NLRP10: variants seen among roughly 807,000 people sequenced by gnomAD.
NLRP10 encodes NLR family pyrin domain containing 10.
NLRP10 carries 7 observed loss-of-function variants against 8.2 expected under a neutral mutation model. The observed-to-expected ratio is 0.85, with a 90% CI of 0.48 to 1.60. The LOEUF (loss-of-function observed/expected upper bound fraction) is 1.60, where lower values mean the gene tolerates loss of function less well. Among genes scored for constraint, NLRP10 ranks in the 40% most tolerant of loss-of-function variants. The pLI is 0.00. For missense variants in NLRP10, 814 were observed against 776.3 expected, an observed-to-expected ratio of 1.05 and a Z score of -0.58; for synonymous variants, 338 against 314.0, an observed-to-expected ratio of 1.08 and a Z score of -0.81.
At chr11:7,964,053 C>G (rs1055409001) in intron 1 of NLRP10, among the ~76,000 whole-genome samples, 1 of 152,056 alleles carries the variant, frequency 6.6e-6, no homozygotes, top group Non-Finnish European at 1.5e-5. Flanking sequence ...TCCCAAGTAG[C>G]TGGAATTGCA....
chr11:7,963,837 C>G (rs911141834), intron 1 of NLRP10, among the ~76,000 whole-genome samples: 22 of 151,478 alleles, frequency 1.5e-4, no homozygotes, highest in African/African-American at 5.3e-4. Context: ...CCCCCACTCC[C>G]TTCCTCTTTC....
rs1941652595 is a variant in NLRP10, at chr11:7,958,220, C to T, written c.*1424G>A. 6.6e-6 allele frequency among the ~76,000 whole-genome samples: 1 copy of T among 152,140 alleles called. No homozygotes were observed. Among genetic ancestry groups the T allele is most frequent in the Admixed American group, 6.5e-5 (1 of 15,276 alleles). ...TATGTGGACATAAGTTTCCAACTCA[C>T]TTGGGTTAATATCTAGGAGCATAAT... On this transcript the variant is annotated 3_prime_UTR_variant, in exon 3 of 3. Coordinates refer to ENST00000691676, the MANE Select transcript of NLRP10 (RefSeq NM_001391958.1).
intron 2 of NLRP10, among the ~76,000 whole-genome samples, 191 bp from the exon 3 acceptor site, chr11:7,961,513 G>T (rs1341868968): frequency 1.3e-5 from 2 of 152,170 alleles, no homozygotes; most frequent in Non-Finnish European, 2.9e-5. Context: ...GGCGCAGTAT[G>T]CATATGCACA....
intron 1 of NLRP10, 67 bp from the exon 2 acceptor site, chr11:7,963,607 C>T (rs1564879613): frequency 1.2e-5 from 11 of 924,408 alleles, no homozygotes; most frequent in Non-Finnish European, 1.8e-5. Context: ...GGGGCTTGGC[C>T]AAGTTATAGA....
Position 7,957,633 on chromosome 11 carries a change from A to G in NLRP10, c.*2011T>C, listed in dbSNP as rs972708011. Reference sequence around the variant, plus strand: ...GTTCCTATATACCCTCTCCACCACCACCACCCCCTCACAAAGTTTCTCTTA... The same window carrying G: ...GTTCCTATATACCCTCTCCACCACCGCCACCCCCTCACAAAGTTTCTCTTA... On this transcript the variant is annotated 3_prime_UTR_variant, in exon 3 of 3. Coordinates refer to ENST00000691676, the MANE Select transcript of NLRP10 (RefSeq NM_001391958.1). 5.9e-5 allele frequency among the ~76,000 whole-genome samples: 9 copies of G among 152,094 alleles called. No homozygotes were observed. The highest frequency in any genetic ancestry group is 1.9e-4 in the African/African-American group (8 of 41,418).
chr11:7,960,642 A>G lies in NLRP10; in HGVS notation c.970T>C (p.Phe324Leu). The G allele has an allele frequency of 1.2e-6, 2 of 1,614,206 alleles. No homozygotes were observed. Among genetic ancestry groups the G allele is most frequent in the Non-Finnish European group, 1.7e-6 (2 of 1,180,034 alleles). ...GFSEEERARY[F>L]SSYFTDEKQA... ...TTCTCATCCGTGAAATAGGAGCTGA[A>G]GTACCTCGCCCTCTCCTCCTCAGAG... is the stretch of plus-strand genomic sequence containing the variant. The change falls in exon 3 of 3, where the codon TTC becomes CTC. Residue 324 changes from phenylalanine (F) to leucine (L), a missense_variant. Transcript: ENST00000691676.
rs758312399 is a variant in NLRP10 at position 7,960,398 on chromosome 11, G to A, written c.1214C>T (p.Ser405Phe). ...PDDDGGCSEL[S>F]RHRVLRSLCS... ...CAGACTCCTCAGGACCCTGTGCCGG[G>A]AAAGCTCGGAGCAGCCCCCATCATC... is the stretch of plus-strand genomic sequence containing the variant. Residue 405 changes from serine to phenylalanine, a missense_variant, in exon 3 of 3, where the codon TCC becomes TTC. By Grantham distance (155) the Ser-to-Phe change is radical. Coordinates refer to ENST00000691676, the MANE Select transcript of NLRP10 (RefSeq NM_001391958.1). 3 of 1,614,004 alleles carry A rather than the reference G, an allele frequency of 1.9e-6. No individual in the cohort carries two copies. In the Admixed American group the frequency reaches 5.0e-5, roughly 27 times the overall value.
In NLRP10 at chr11:7,960,539, C is replaced by G. The variant is rs1453054589; in HGVS notation, c.1073G>C (p.Trp358Ser). The change falls in exon 3 of 3, where the codon TGG becomes TCG. Residue 358 changes from tryptophan (W) to serine (S), a missense_variant. Transcript: ENST00000691676. ...YKACQVPGIC[W>S]VVCSWLQGQM... The stretch of plus-strand genomic sequence containing the variant: ...CCCCTGCAGCCAGGAGCAGACCACC[C>G]AGCAAATGCCTGGAACCTGACACGC... 4 of 1,614,194 alleles carry G rather than the reference C, an allele frequency of 2.5e-6. No individual in the cohort carries two copies. In the Admixed American group the frequency reaches 6.7e-5, roughly 27 times the overall value.
Position 7,963,371 on chromosome 11 carries a change from G to C in NLRP10, c.125C>G (p.Pro42Arg). 1 of 1,614,048 alleles carries C rather than the reference G, an allele frequency of 6.2e-7. No homozygotes were observed. The highest frequency in any genetic ancestry group is 1.3e-5 in the African/African-American group (1 of 75,062). The change falls in exon 2 of 3, where the codon CCC becomes CGC. Residue 42 changes from proline (P) to arginine (R), a missense_variant. Pro to Arg is a moderately radical substitution (Grantham distance 103). Transcript: ENST00000691676. Reference protein sequence around the residue: ...LRDMTLSEGQPPLARGELEGL... With the variant: ...LRDMTLSEGQRPLARGELEGL... ...CTCCAACTCCCCTCTGGCCAGTGGG[G>C]GCTGGCCCTCAGACAGGGTCATATC...
At chr11:7,962,764 T>G (rs1941753468) in intron 2 of NLRP10, among the ~76,000 whole-genome samples, 2 of 152,192 alleles carry the variant, frequency 1.3e-5, no homozygotes, top group South Asian at 4.2e-4. Flanking sequence ...CCACCCATTC[T>G]GTAGTGTGGT....
chr11:7,964,624 A>G (rs1941790717), intron 1 of NLRP10, among the ~76,000 whole-genome samples: 1 of 152,240 alleles, frequency 6.6e-6, no homozygotes, highest in South Asian at 2.1e-4. Context: ...AAACTGGTCT[A>G]TGCCCTGGGT....
At position 7,960,103 on chromosome 11, in the gene NLRP10, C is replaced by T. The variant is rs551262214; in HGVS notation, c.1509G>A (p.Glu503=). 3.0e-5 allele frequency: 48 copies of T among 1,614,156 alleles called. 1 individual carries two copies. In the South Asian group the frequency reaches 4.9e-4, roughly 17 times the overall value. The change falls in exon 3 of 3, where the codon GAG becomes GAA. Residue 503 remains glutamate (E), a synonymous_variant. Coordinates refer to ENST00000691676, the MANE Select transcript of NLRP10 (RefSeq NM_001391958.1). Reference sequence around the variant, plus strand: ...GGGTCATCTCATCATTCCCTTCCTGCTCCTTTACCTCCAGCAGCCTTTGCA... The same window carrying T: ...GGGTCATCTCATCATTCCCTTCCTGTTCCTTTACCTCCAGCAGCCTTTGCA... ...REVQRLLEVK[E]QEGNDEMTLT... is the part of the protein sequence containing the mutation.
At chr11:7,962,331 G>A (rs1941746761) in intron 2 of NLRP10, among the ~76,000 whole-genome samples, 1 of 139,300 alleles carries the variant, frequency 7.2e-6, no homozygotes, top group African/African-American at 2.7e-5. Context: ...CGCCTCCCGG[G>A]TTCACGCCAT....
intron 2 of NLRP10, 69 bp downstream of exon 2, chr11:7,963,138 T>G: frequency 6.7e-7 from 1 of 1,485,474 alleles, no homozygotes; most frequent in Non-Finnish European, 9.3e-7. Flanking sequence ...CAGGCAGCTC[T>G]GGAAATGCCA....
rs1335269751 is a variant in NLRP10 at position 7,960,647 on chromosome 11, C to T, written c.965G>A (p.Arg322Lys). The T allele has an allele frequency of 6.2e-7, 1 of 1,614,160 alleles. No homozygotes were observed. Among genetic ancestry groups the T allele is most frequent in the Admixed American group, 1.7e-5 (1 of 60,014 alleles). Residue 322 changes from arginine to lysine, a missense_variant, in exon 3 of 3, where the codon AGG becomes AAG. Physicochemically the swap from Arg to Lys is conservative, Grantham distance 26. Coordinates refer to ENST00000691676, the MANE Select transcript of NLRP10 (RefSeq NM_001391958.1). Reference protein sequence around the residue: ...ILGFSEEERARYFSSYFTDEK... With the variant: ...ILGFSEEERAKYFSSYFTDEK... The stretch of plus-strand genomic sequence containing the variant: ...ATCCGTGAAATAGGAGCTGAAGTAC[C>T]TCGCCCTCTCCTCCTCAGAGAAGCC...
chr11:7,961,053 C>T lies in NLRP10; in HGVS notation c.559G>A (p.Val187Met). The change falls in exon 3 of 3, where the codon GTG (valine) becomes ATG (methionine). Residue 187 changes from valine to methionine, a missense_variant. Val to Met is a conservative substitution (Grantham distance 21). Transcript: ENST00000691676. ...TGKTTLARKM[V>M]LDWATGTLYP... ...AGAGTACCGGTGGCCCAGTCCAACA[C>T]CATTTTTCTGGCGAGAGTTGTCTTT... 1 of 1,614,198 alleles carries T rather than the reference C, an allele frequency of 6.2e-7. No individual in the cohort carries two copies. Among genetic ancestry groups the T allele is most frequent in the East Asian group, 2.2e-5 (1 of 44,886 alleles).
In NLRP10 at chr11:7,957,596, T is replaced by A. The variant is rs1178165996; in HGVS notation, c.*2048A>T. ...AATTATACTTCAATAAAACTTTTTT[T>A]AAATACAGAAAGTTCCTATATACCC... On this transcript the variant is annotated 3_prime_UTR_variant, in exon 3 of 3. Transcript: ENST00000691676. Among the ~76,000 whole-genome samples, 4 of 152,140 alleles carry A rather than the reference T, an allele frequency of 2.6e-5. No homozygotes were observed. Among genetic ancestry groups the A allele is most frequent in the Admixed American group, 2.0e-4 (3 of 15,270 alleles).
chr11:7,963,757 G>A lies in NLRP10; in HGVS notation c.-45-217C>T, dbSNP rs932156228. On this transcript the variant is annotated intron_variant, in intron 1 of 2. Transcript: ENST00000691676. Reference sequence around the variant, plus strand: ...GACTGTGTTGGCAAATGGGTAGGAAGGTATGTAGGTGTGTTAATCTCTCAA... The same window carrying A: ...GACTGTGTTGGCAAATGGGTAGGAAAGTATGTAGGTGTGTTAATCTCTCAA... 3 of 522,414 alleles carry A rather than the reference G, an allele frequency of 5.7e-6. No homozygotes were observed. The African/African-American group carries it at 5.8e-5, about 10-fold the overall frequency. 32.4% of individuals were successfully genotyped at this position (522,414 alleles called of 1,614,324 possible).
rs770255630 is a variant in NLRP10 at position 7,963,259 on chromosome 11, C to T, written c.237G>A (p.Lys79=). 107 of 1,614,218 alleles carry T rather than the reference C, an allele frequency of 6.6e-5. 1 individual carries two copies. The South Asian group carries it at 1.2e-3, about 18-fold the overall frequency. ...CCACAAGTTCCAACAGGTTCATGAC[C>T]TTCAAGCCCTTGAGGACAACTTTCA... is the stretch of plus-strand genomic sequence containing the variant. ...EAVKVVLKGL[K]VMNLLELVDQ... The change falls in exon 2 of 3, where the codon AAG becomes AAA. Residue 79 remains lysine (K), a synonymous_variant. Coordinates refer to ENST00000691676, the MANE Select transcript of NLRP10 (RefSeq NM_001391958.1).
Sources: gnomAD v4.1 joint callset for allele counts (sites outside exome capture counted in the v4.1 genomes callset) on GRCh38, gnomAD v4.1.1 for gene constraint, MANE v1.5 for transcripts, NCBI Gene and HGNC (gene_info 2026-07-23, HGNC 2026-07-21) for gene names.